The following SRP19 variants were observed in gnomAD, a reference collection of about 807,000 sequenced individuals.
SRP19 encodes signal recognition particle 19 kDa protein.
In SRP19, 11 loss-of-function variants were observed where a neutral mutation model predicts 22.4. That is an observed-to-expected ratio of 0.49 (90% confidence interval 0.31 to 0.81). The LOEUF (loss-of-function observed/expected upper bound fraction) is 0.81, where lower values mean the gene tolerates loss of function less well. SRP19 is among the 40% of genes least tolerant of loss of function. The pLI is 0.05. For missense variants in SRP19, 168 were observed against 175.9 expected (o/e 0.96, Z 0.25); for synonymous variants, 61 against 57.6 (o/e 1.06, Z -0.27).
chr5:112,872,187 C>T (rs777503136), downstream of SRP19, among the ~76,000 whole-genome samples: 59 of 152,108 alleles, frequency 3.9e-4, no homozygotes, highest in Non-Finnish European at 6.9e-4. Flanking sequence ...ACAGCTCAGC[C>T]GTGTAGTACA....
At chr5:112,892,772 A>G in exon 5 of SRP19, 1 of 1,614,030 alleles carries the variant, frequency 6.2e-7, no homozygotes, top group Non-Finnish European at 8.5e-7. Flanking sequence ...CACGACCACT[A>G]CTACAGCAGG....
intron 2 of SRP19, among the ~76,000 whole-genome samples, chr5:112,863,022 A>G (rs1275157741): frequency 6.6e-6 from 1 of 152,214 alleles, no homozygotes; most frequent in Non-Finnish European, 1.5e-5. Context: ...TGTATTTTGT[A>G]ATATGACAGA....
Position 112,861,487 on chromosome 5 carries a change from C to G in SRP19, c.41+70C>G. ...GTGGTGCTGCAGGTGCTACACCGCG[C>G]TTCTCCGCTCCGCGGCCTCCAGAAT... is the stretch of plus-strand genomic sequence containing the variant. On this transcript the variant is annotated intron_variant, in intron 1 of 4. Coordinates refer to ENST00000505459, the MANE Select transcript of SRP19 (RefSeq NM_003135.3). The G allele has an allele frequency of 2.0e-6, 3 of 1,524,646 alleles. No individual in the cohort carries two copies. In the South Asian group the frequency reaches 3.5e-5, roughly 18 times the overall value. 94.4% of individuals were successfully genotyped at this position (1,524,646 alleles called of 1,614,324 possible).
downstream of SRP19, among the ~76,000 whole-genome samples, chr5:112,871,243 ATTTTTTTTTTTTTTT>A (rs10592964): frequency 1.1e-5 from 1 of 93,934 alleles, no homozygotes; most frequent in Non-Finnish European, 2.0e-5. Context: ...CAATCAGTGA[ATTTTTTTTTTTTTTT>A]TTTTTTTTTT....
chr5:112,894,129 T>TTG (rs1554093728), downstream of SRP19: 4 of 83,958 alleles, frequency 4.8e-5, no homozygotes, highest in East Asian at 9.6e-4. Flanking sequence ...TTTTTGTTTT[T>TTG]TTTTTTTTTT....
In SRP19 at chr5:112,861,324, G is replaced by T. The variant is rs555951553; in HGVS notation, c.-53G>T. 3.5e-5 allele frequency: 56 copies of T among 1,610,434 alleles called. 1 individual carries two copies. The African/African-American group carries it at 4.7e-4, about 13-fold the overall frequency. On this transcript the variant is annotated 5_prime_UTR_variant, in exon 1 of 5. Transcript: ENST00000505459. ...AAACTCAGAGCCGGGTTCCTCCCGG[G>T]TTTCTGCCGGGTTTCTCCCTGCGGC... is the stretch of plus-strand genomic sequence containing the variant.
At chr5:112,891,839 A>G in exon 5 of SRP19, 1 of 1,559,646 alleles carries the variant, frequency 6.4e-7, no homozygotes, top group Non-Finnish European at 8.8e-7. Flanking sequence ...GAAGAAGAGA[A>G]GCTATTGGAA....
chr5:112,876,268 GAATAGAGTT>G (rs1767893134), intron 4 of SRP19: 2 of 152,106 alleles, frequency 1.3e-5, no homozygotes, highest in Admixed American at 6.6e-5. Flanking sequence ...GCCATGTGAG[GAATAGAGTT>G]AATAAAGAGC....
chr5:112,896,477 C>G (rs1388039594), downstream of SRP19: 1 of 152,028 alleles, frequency 6.6e-6, no homozygotes, highest in Non-Finnish European at 1.5e-5. Context: ...GAGCAGAGAT[C>G]ACGCCACTTC....
chr5:112,896,177 G>GT (rs1363471157), downstream of SRP19: 1 of 152,604 alleles, frequency 6.6e-6, no homozygotes. Flanking sequence ...TTAAAAGAAC[G>GT]TGTTAAAGGA....
At chr5:112,886,689 CA>C (rs1415202126) in intron 4 of SRP19, among the ~76,000 whole-genome samples, 1 of 152,074 alleles carries the variant, frequency 6.6e-6, no homozygotes, top group African/African-American at 2.4e-5. Flanking sequence ...AAGTATAATA[CA>C]AAAAAATTAA....
chr5:112,862,893 C>G (rs1394352061), intron 2 of SRP19, among the ~76,000 whole-genome samples: 2 of 152,042 alleles, frequency 1.3e-5, no homozygotes, highest in African/African-American at 4.8e-5. Context: ...TATAGGAAAT[C>G]AAAATTATGA....
downstream of SRP19, among the ~76,000 whole-genome samples, chr5:112,873,345 C>CTTTTTT (rs71626678): frequency 3.4e-5 from 2 of 58,992 alleles, no homozygotes; most frequent in African/African-American, 7.5e-5. Context: ...CTTTCCTATT[C>CTTTTTT]TTTTTTTTTT....
intron 4 of SRP19, chr5:112,887,314 T>C: frequency 1.2e-6 from 1 of 822,946 alleles, no homozygotes; most frequent in Non-Finnish European, 1.7e-6. Flanking sequence ...TTACCAGTGT[T>C]TTCTGCAGGT....
At chr5:112,892,532 C>G in exon 5 of SRP19, 1 of 1,614,176 alleles carries the variant, frequency 6.2e-7, no homozygotes, top group Non-Finnish European at 8.5e-7. Context: ...CGATGGTATG[C>G]AGGACGACAG....
chr5:112,871,531 C>G (rs1767760119), downstream of SRP19, among the ~76,000 whole-genome samples: 1 of 151,734 alleles, frequency 6.6e-6, no homozygotes, highest in Non-Finnish European at 1.5e-5. Context: ...CTGAGGCGGG[C>G]AGATGACTTG....
chr5:112,889,644 A>G (rs1199838178), intron 4 of SRP19, among the ~76,000 whole-genome samples: 2 of 150,438 alleles, frequency 1.3e-5, no homozygotes, highest in Non-Finnish European at 2.9e-5. Flanking sequence ...TCAGAATTAT[A>G]TAGACAAATG....
At position 112,868,031 on chromosome 5, in the gene SRP19, G is replaced by A. The variant is rs1767664507; in HGVS notation, c.*494G>A. ...AAGAAACTGTGGTAGGTCCTTTTGT[G>A]GGTGGGGGACAGGGGAGTCTGTAAA... On this transcript the variant is annotated 3_prime_UTR_variant, in exon 5 of 5. Transcript: ENST00000505459. 12 of 985,826 alleles carry A rather than the reference G, an allele frequency of 1.2e-5. No individual in the cohort carries two copies. The South Asian group carries it at 4.7e-4, about 39-fold the overall frequency. 61.1% of individuals were successfully genotyped at this position (985,826 alleles called of 1,614,324 possible).
downstream of SRP19, among the ~76,000 whole-genome samples, chr5:112,870,836 T>C (rs1479228623): frequency 1.3e-5 from 2 of 152,202 alleles, no homozygotes; most frequent in Non-Finnish European, 2.9e-5. Flanking sequence ...CCTTGCCATA[T>C]ACAGGTGCCA....
Sources: allele counts gnomAD v4.1 joint callset (sites outside exome capture counted in the v4.1 genomes callset), GRCh38; gene constraint gnomAD v4.1.1; transcripts MANE v1.5; gene names NCBI Gene and HGNC (gene_info 2026-07-23, HGNC 2026-07-21).